Variants in SORCS1 observed in about 807,000 individuals in gnomAD.
The protein encoded by SORCS1 is VPS10 domain-containing receptor SorCS1.
A neutral mutation model predicts 146.1 loss-of-function variants in SORCS1; 60 were observed. The ratio of observed to expected loss-of-function variants is 0.41; its 90% confidence interval spans 0.33 to 0.51. The LOEUF (loss-of-function observed/expected upper bound fraction) is 0.51. Ranked by LOEUF, SORCS1 falls within the 20% of genes least tolerant of loss-of-function variation. The pLI is 0.21. For synonymous variants in SORCS1, 637 were observed against 584.0 expected (o/e 1.09, Z -1.31); for missense variants, 1,352 against 1,487.6 (o/e 0.91, Z 1.50).
intron 3 of SORCS1, among the ~76,000 whole-genome samples, chr10:106,799,456 G>A (rs1453668721): frequency 2.0e-5 from 3 of 152,098 alleles, no homozygotes; most frequent in Non-Finnish European, 4.4e-5. Context: ...CTACAGAATG[G>A]AAGAAAATTT....
chr10:106,622,856 G>T (rs184738579), intron 19 of SORCS1, among the ~76,000 whole-genome samples: 1 of 152,314 alleles, frequency 6.6e-6, no homozygotes, highest in Admixed American at 6.5e-5. Flanking sequence ...GTTCTGAGCA[G>T]ATGGAAGTGT....
intron 1 of SORCS1, among the ~76,000 whole-genome samples, chr10:107,108,803 T>C (rs1045512818): frequency 6.6e-6 from 1 of 152,162 alleles, no homozygotes; most frequent in Non-Finnish European, 1.5e-5. Context: ...CTTATGAGCC[T>C]GTAACATAAA....
At chr10:106,887,524 C>T (rs1951046530) in intron 2 of SORCS1, among the ~76,000 whole-genome samples, 1 of 151,882 alleles carries the variant, frequency 6.6e-6, no homozygotes, top group Admixed American at 6.6e-5. Context: ...TTGCAGTGAG[C>T]GGAGATCACG....
chr10:107,120,473 C>A (rs946486549), intron 1 of SORCS1, among the ~76,000 whole-genome samples: 13 of 152,102 alleles, frequency 8.5e-5, no homozygotes, highest in African/African-American at 3.1e-4. Context: ...CTAGAAAATT[C>A]AAAACAAGTA....
At chr10:106,987,616 C>G (rs77726376) in intron 1 of SORCS1, among the ~76,000 whole-genome samples, 33,720 of 152,074 alleles carry the variant, frequency 0.22, 4,529 homozygotes, top group Middle Eastern at 0.33. Context: ...ACATAGTTCC[C>G]GCCTACTGAG....
intron 4 of SORCS1, among the ~76,000 whole-genome samples, chr10:106,773,285 A>G (rs1860165827): frequency 6.6e-6 from 1 of 152,234 alleles, no homozygotes; most frequent in Non-Finnish European, 1.5e-5. Flanking sequence ...AGCCAACACC[A>G]GCACATGGTC....
chr10:106,767,038 G>A (rs1859623111), intron 4 of SORCS1, among the ~76,000 whole-genome samples: 2 of 152,156 alleles, frequency 1.3e-5, no homozygotes, highest in African/African-American at 4.8e-5. Flanking sequence ...AGAGTGAAGT[G>A]GAAGCTGGGG....
rs182667832 is a variant in SORCS1, at chr10:106,604,784, T to G, written c.3165+2382A>C. 4.6e-5 allele frequency among the ~76,000 whole-genome samples: 7 copies of G among 152,266 alleles called. No individual in the cohort carries two copies. The East Asian group carries it at 1.4e-3, about 29-fold the overall frequency. On this transcript the variant is annotated intron_variant, in intron 23 of 25. Transcript: ENST00000263054. Reference sequence around the variant, plus strand: ...AGTCTATTTAATAGGCCTAAACTCATTTTTTTCATTTTCCACATCTCTTCT... The same window carrying G: ...AGTCTATTTAATAGGCCTAAACTCAGTTTTTTCATTTTCCACATCTCTTCT...
chr10:106,717,292 G>A (rs772146291), intron 6 of SORCS1, among the ~76,000 whole-genome samples: 1 of 152,144 alleles, frequency 6.6e-6, no homozygotes, highest in Non-Finnish European at 1.5e-5. Flanking sequence ...CATCACGCAC[G>A]CACACACGTG....
chr10:106,857,227 G>A (rs1949822334), intron 2 of SORCS1, among the ~76,000 whole-genome samples: 1 of 152,202 alleles, frequency 6.6e-6, no homozygotes, highest in African/African-American at 2.4e-5. Flanking sequence ...CCAGGGATGA[G>A]CCAAGCTGCT....
chr10:106,800,458 A>G (rs1232357048), intron 3 of SORCS1, among the ~76,000 whole-genome samples: 4 of 151,186 alleles, frequency 2.6e-5, no homozygotes, highest in Non-Finnish European at 5.9e-5. Context: ...GTTCACCAAC[A>G]TACCATCAAC....
At chr10:106,795,992 G>C (rs1015694100) in intron 3 of SORCS1, among the ~76,000 whole-genome samples, 5 of 152,168 alleles carry the variant, frequency 3.3e-5, no homozygotes, top group African/African-American at 9.7e-5. Context: ...TGGGGTGAGA[G>C]ATGCATGCTA....
At chr10:107,023,259 T>G (rs1299196416) in intron 1 of SORCS1, among the ~76,000 whole-genome samples, 1 of 152,186 alleles carries the variant, frequency 6.6e-6, no homozygotes, top group African/African-American at 2.4e-5. Flanking sequence ...GCTTTTTCAC[T>G]GCCACACAAG....
intron 1 of SORCS1, among the ~76,000 whole-genome samples, chr10:107,000,232 G>A (rs1957162152): frequency 6.6e-6 from 1 of 152,222 alleles, no homozygotes; most frequent in Non-Finnish European, 1.5e-5. Flanking sequence ...AGCAGTTGAT[G>A]TCAAAGTGGT....
chr10:107,171,498 G>A, the SORCS1 span, among the ~76,000 whole-genome samples: 1 of 147,734 alleles, frequency 6.8e-6, no homozygotes, highest in African/African-American at 2.5e-5. Context: ...TTTAGAAAAG[G>A]TCCAAGGGAA....
chr10:106,993,243 C>T (rs1258885439), intron 1 of SORCS1, among the ~76,000 whole-genome samples: 3 of 152,216 alleles, frequency 2.0e-5, no homozygotes, highest in Non-Finnish European at 4.4e-5. Context: ...CCTACCCATA[C>T]ATGTCTTTTC....
intron 24 of SORCS1, among the ~76,000 whole-genome samples, chr10:106,585,653 G>A (rs1264935111): frequency 6.6e-6 from 1 of 152,200 alleles, no homozygotes; most frequent in Non-Finnish European, 1.5e-5. Context: ...TAAAAGGCAA[G>A]AGGTAAAATC....
chr10:107,076,943 T>C (rs1178048143), intron 1 of SORCS1, among the ~76,000 whole-genome samples: 2 of 152,178 alleles, frequency 1.3e-5, no homozygotes, highest in Non-Finnish European at 2.9e-5. Flanking sequence ...AAAAATCTTA[T>C]ATTGCAGTGC....
intron 1 of SORCS1, among the ~76,000 whole-genome samples, chr10:107,116,882 C>T (rs941827007): frequency 6.6e-6 from 1 of 152,084 alleles, no homozygotes; most frequent in South Asian, 2.1e-4. Flanking sequence ...TTGCTATCAA[C>T]AGATTTATTA....
Sources: gnomAD v4.1 joint callset for allele counts (sites outside exome capture counted in the v4.1 genomes callset) on GRCh38, gnomAD v4.1.1 for gene constraint, MANE v1.5 for transcripts, NCBI Gene and HGNC (gene_info 2026-07-23, HGNC 2026-07-21) for gene names.